Variants in ANXA8 observed in about 807,000 individuals in gnomAD.
ANXA8 encodes the protein annexin A8.
ANXA8 carries 9 observed loss-of-function variants against 26.8 expected under a neutral mutation model. The ratio of observed to expected loss-of-function variants is 0.34; its 90% CI spans 0.20 to 0.59. The LOEUF (loss-of-function observed/expected upper bound fraction) is 0.59, where lower values mean the gene tolerates loss of function less well. ANXA8 is among the 20% of genes least tolerant of loss of function. The pLI, the probability that ANXA8 is intolerant of heterozygous loss-of-function variation, is 0.84. For missense variants in ANXA8, 83 were observed against 238.5 expected (o/e 0.35, Z 4.29); for synonymous variants, 39 against 94.8 (o/e 0.41, Z 3.42).
At chr10:47,946,476 A>T in the ANXA8 span, among the ~76,000 whole-genome samples, 2 of 150,176 alleles carry the variant, frequency 1.3e-5, no homozygotes, top group African/African-American at 4.9e-5. Context: ...CAGGCAGCAA[A>T]TGCTTAGTAA....
chr10:47,743,403 TGTG>T, the ANXA8 span, among the ~76,000 whole-genome samples: 4 of 89,110 alleles, frequency 4.5e-5, no homozygotes, highest in East Asian at 4.5e-4. Context: ...TGTGTGTGTG[TGTG>T]AGAGAGAGAG....
chr10:47,949,673 T>C, the ANXA8 span, among the ~76,000 whole-genome samples: 1 of 150,492 alleles, frequency 6.6e-6, no homozygotes, highest in African/African-American at 2.5e-5. Context: ...ACATTGTACA[T>C]AAAGTGTTAT....
At chr10:47,699,874 TAACA>T in the ANXA8 span, among the ~76,000 whole-genome samples, 1 of 151,564 alleles carries the variant, frequency 6.6e-6, no homozygotes, top group Non-Finnish European at 1.5e-5. Flanking sequence ...TATACACAAA[TAACA>T]AACAGAGGGC....
At chr10:47,619,946 A>G in the ANXA8 span, among the ~76,000 whole-genome samples, 1 of 111,638 alleles carries the variant, frequency 9.0e-6, no homozygotes, top group African/African-American at 3.5e-5. Context: ...AGCATATTTT[A>G]TAATGAATCC....
chr10:47,529,072 G>A, the ANXA8 span, among the ~76,000 whole-genome samples: 3 of 144,672 alleles, frequency 2.1e-5, 1 homozygote, highest in African/African-American at 7.5e-5. Flanking sequence ...ATTCATTACA[G>A]ACAACAATTG....
the ANXA8 span, among the ~76,000 whole-genome samples, chr10:47,956,835 C>T: frequency 6.7e-6 from 1 of 150,060 alleles, no homozygotes; most frequent in African/African-American, 2.5e-5. Context: ...GAGCAGGGCA[C>T]TCAGGGAAGG....
At chr10:47,733,193 C>CT in the ANXA8 span, among the ~76,000 whole-genome samples, 3 of 117,132 alleles carry the variant, frequency 2.6e-5, no homozygotes, top group Non-Finnish European at 6.0e-5. Flanking sequence ...TTCTTTCTTT[C>CT]TTTCTTTCTT....
chr10:47,686,120 C>A, the ANXA8 span, among the ~76,000 whole-genome samples: 1 of 149,062 alleles, frequency 6.7e-6, no homozygotes, highest in Non-Finnish European at 1.5e-5. Flanking sequence ...TAAGAGCCTA[C>A]GAAAAATGCA....
chr10:47,901,941 T>C, the ANXA8 span, among the ~76,000 whole-genome samples: 1 of 150,074 alleles, frequency 6.7e-6, no homozygotes, highest in Non-Finnish European at 1.5e-5. Context: ...AACTTTAAGA[T>C]TTTAGATTAC....
chr10:47,699,758 G>T, the ANXA8 span, among the ~76,000 whole-genome samples: 2 of 151,682 alleles, frequency 1.3e-5, 1 homozygote, highest in South Asian at 4.2e-4. Context: ...AGCCCAGGCT[G>T]GGGGATGAGG....
At chr10:47,525,462 C>G in the ANXA8 span, among the ~76,000 whole-genome samples, 1 of 139,716 alleles carries the variant, frequency 7.2e-6, no homozygotes, top group African/African-American at 2.7e-5. Context: ...CTGAATATCA[C>G]AAGAACAGCA....
the ANXA8 span, among the ~76,000 whole-genome samples, chr10:47,950,828 G>A: frequency 3.3e-5 from 5 of 150,952 alleles, 1 homozygote; most frequent in East Asian, 8.1e-4. Context: ...AATGATTAGA[G>A]ACAAATTTAT....
the ANXA8 span, among the ~76,000 whole-genome samples, chr10:47,648,363 A>AT: frequency 1.9e-3 from 292 of 150,986 alleles, 1 homozygote; most frequent in African/African-American, 6.7e-3. Flanking sequence ...TAGTAAATCA[A>AT]TTTTTTTACC....
At chr10:47,950,930 A>T in the ANXA8 span, among the ~76,000 whole-genome samples, 1 of 150,684 alleles carries the variant, frequency 6.6e-6, no homozygotes, top group Non-Finnish European at 1.5e-5. Flanking sequence ...GGAGCCAATT[A>T]AACCTAATGT....
At chr10:47,768,973 T>A in the ANXA8 span, among the ~76,000 whole-genome samples, 2 of 147,308 alleles carry the variant, frequency 1.4e-5, no homozygotes, top group Non-Finnish European at 3.0e-5. Flanking sequence ...GGATGTGGAA[T>A]GTGTACATAT....
At chr10:47,624,242 CAAAAAAAAA>C in the ANXA8 span, among the ~76,000 whole-genome samples, 8 of 29,218 alleles carry the variant, frequency 2.7e-4, 2 homozygotes, top group East Asian at 1.3e-3. Flanking sequence ...GACTCCATCT[CAAAAAAAAA>C]AAAAAAAAAA....
chr10:47,525,396 A>C, the ANXA8 span, among the ~76,000 whole-genome samples: 3 of 141,588 alleles, frequency 2.1e-5, no homozygotes, highest in South Asian at 2.2e-4. Flanking sequence ...ACAGAGCAGG[A>C]CTCCATCCCA....
At chr10:47,590,173 A>T in the ANXA8 span, 3 of 146,648 alleles carry the variant, frequency 2.0e-5, no homozygotes, top group East Asian at 5.8e-4. Flanking sequence ...CACCTGCAGG[A>T]TACACCCATG....
At chr10:47,617,924 C>T in the ANXA8 span, among the ~76,000 whole-genome samples, 1 of 133,642 alleles carries the variant, frequency 7.5e-6, no homozygotes, top group Non-Finnish European at 1.6e-5. Flanking sequence ...CACCATAAAA[C>T]CTGATCTATT....
Sources: allele counts gnomAD v4.1 joint callset (sites outside exome capture counted in the v4.1 genomes callset), GRCh38; gene constraint gnomAD v4.1.1; transcripts MANE v1.5; gene names NCBI Gene and HGNC (gene_info 2026-07-23, HGNC 2026-07-21).